Variants in MYT1L observed in about 807,000 individuals in gnomAD.
MYT1L encodes the protein myelin transcription factor 1-like protein.
A neutral mutation model predicts 126.7 loss-of-function variants in MYT1L; 12 were observed. The ratio of observed to expected loss-of-function variants is 0.09; its 90% CI spans 0.06 to 0.15. The LOEUF is 0.15. Among genes scored for constraint, MYT1L ranks in the 10% least tolerant of loss-of-function variants. The probability of loss-of-function intolerance (pLI) is 1.00; values close to 1 mark genes in which losing one functional copy is unlikely to be tolerated. For missense variants in MYT1L, 979 were observed against 1,585.2 expected (o/e 0.62, Z 6.49); for synonymous variants, 541 against 604.2 (o/e 0.90, Z 1.53).
Position 1,910,677 on chromosome 2 carries a change from G to A in MYT1L, c.1710-330C>T, listed in dbSNP as rs948699940. ...AAACTGTAGACAGATTCCATTTCTGGAGATGAAGAATTAACAGCTTGGGTA... is the reference window on the plus strand; with the variant it reads ...AAACTGTAGACAGATTCCATTTCTGAAGATGAAGAATTAACAGCTTGGGTA... On this transcript the variant is annotated intron_variant, in intron 12 of 24. Coordinates refer to ENST00000647738, the MANE Select transcript of MYT1L (RefSeq NM_001303052.2). The surrounding 1 kb of genome is among the most constrained non-coding windows in gnomAD (Gnocchi z 4.8). Among the ~76,000 whole-genome samples the A allele has an allele frequency of 6.6e-6, 1 of 152,158 alleles. No homozygotes were observed. The highest frequency in any genetic ancestry group is 1.5e-5 in the Non-Finnish European group (1 of 68,038).
chr2:1,996,352 G>C (rs773970843), intron 5 of MYT1L, among the ~76,000 whole-genome samples: 1 of 151,884 alleles, frequency 6.6e-6, no homozygotes, highest in Non-Finnish European at 1.5e-5. Context: ...GTACAGAACC[G>C]AGTGTAGACG....
chr2:2,169,859 C>T (rs192728216), intron 3 of MYT1L, among the ~76,000 whole-genome samples: 31 of 152,266 alleles, frequency 2.0e-4, no homozygotes, highest in Middle Eastern at 3.4e-3. Flanking sequence ...TGTATCCAGG[C>T]GTGGAAACAC....
At chr2:2,005,199 CATTCTTTCCTGAATAT>C in intron 4 of MYT1L, among the ~76,000 whole-genome samples, 1 of 145,972 alleles carries the variant, frequency 6.9e-6, no homozygotes, top group Non-Finnish European at 1.5e-5. Flanking sequence ...TTCCTGCAGG[CATTCTTTCCTGAATAT>C]GTTCTTTCCT....
At chr2:1,898,772 T>A (rs2049954539) in intron 14 of MYT1L, among the ~76,000 whole-genome samples, 1 of 152,184 alleles carries the variant, frequency 6.6e-6, no homozygotes, top group African/African-American at 2.4e-5. Flanking sequence ...GAGCGGCCTC[T>A]GCTCAGGTAG....
At chr2:1,874,162 A>C (rs1250312153) in intron 18 of MYT1L, among the ~76,000 whole-genome samples, 1 of 150,822 alleles carries the variant, frequency 6.6e-6, no homozygotes. Flanking sequence ...CTCCACAAAC[A>C]ACCCAGGTGT....
At chr2:2,123,494 C>G (rs2081308005) in intron 3 of MYT1L, among the ~76,000 whole-genome samples, 2 of 152,136 alleles carry the variant, frequency 1.3e-5, no homozygotes, top group Admixed American at 1.3e-4. Context: ...GGCCCATTTT[C>G]CCCTTGCTGT....
intron 3 of MYT1L, among the ~76,000 whole-genome samples, chr2:2,069,852 T>G (rs1366627137): frequency 6.6e-6 from 1 of 151,910 alleles, no homozygotes; most frequent in Non-Finnish European, 1.5e-5. Context: ...GTATGTTTGT[T>G]GGCTGCATAA....
At chr2:1,974,962 T>C (rs948118341) in intron 8 of MYT1L, among the ~76,000 whole-genome samples, 1 of 152,258 alleles carries the variant, frequency 6.6e-6, no homozygotes, top group Non-Finnish European at 1.5e-5. Context: ...CTACAGAGAT[T>C]ATCTTTTGTT....
intron 9 of MYT1L, among the ~76,000 whole-genome samples, chr2:1,937,871 G>C (rs574811947): frequency 6.6e-6 from 1 of 152,188 alleles, no homozygotes. Context: ...GGACACCACC[G>C]CACACCTTTG....
chr2:1,884,293 C>T (rs567453862), intron 18 of MYT1L, among the ~76,000 whole-genome samples: 21 of 152,262 alleles, frequency 1.4e-4, no homozygotes, highest in African/African-American at 2.9e-4. Context: ...TAATCAGGGA[C>T]GATGCTGCTG....
chr2:2,136,290 C>A (rs1236464015), intron 3 of MYT1L, among the ~76,000 whole-genome samples: 1 of 152,202 alleles, frequency 6.6e-6, no homozygotes, highest in Non-Finnish European at 1.5e-5. Flanking sequence ...TTCCAGCATA[C>A]AGATGCCTTT....
intron 3 of MYT1L, among the ~76,000 whole-genome samples, chr2:2,118,726 T>C (rs751703008): frequency 6.6e-6 from 1 of 152,232 alleles, no homozygotes; most frequent in Non-Finnish European, 1.5e-5. Context: ...AAACTTGAAT[T>C]ATTATGACAA....
chr2:2,327,052 G>T (rs1006659603), intron 1 of MYT1L: 1 of 152,026 alleles, frequency 6.6e-6, no homozygotes, highest in African/African-American at 2.4e-5. Flanking sequence ...ATGGATAGCT[G>T]TTGCCTTTAA....
intron 2 of MYT1L, among the ~76,000 whole-genome samples, chr2:2,264,597 C>G (rs1468627179): frequency 1.3e-5 from 2 of 152,172 alleles, no homozygotes; most frequent in East Asian, 1.9e-4. Flanking sequence ...CTGTGCAACG[C>G]TGGCCCAAGC....
Position 1,943,327 on chromosome 2 carries a change from C to A in MYT1L, c.160G>T (p.Gly54Cys). The A allele has an allele frequency of 6.4e-7, 1 of 1,552,114 alleles. No individual in the cohort carries two copies. Among genetic ancestry groups the A allele is most frequent in the East Asian group, 2.3e-5 (1 of 43,088 alleles). Residue 54 changes from glycine to cysteine, a missense_variant, in exon 9 of 25, where the codon GGT becomes TGT. Coordinates refer to ENST00000647738, the MANE Select transcript of MYT1L (RefSeq NM_001303052.2). This position sits in a 1 kb window ranked among gnomAD's most constrained non-coding sequence, Gnocchi z 4.4. ...GKYARHRSVY[G>C]CPLAKKRKTQ... Reference sequence around the variant, plus strand: ...TTTCTTTTTTTCGCCAAGGGACAACCATATACACTAATTAAAAAAATAGAG... The same window carrying A: ...TTTCTTTTTTTCGCCAAGGGACAACAATATACACTAATTAAAAAAATAGAG...
At chr2:2,250,907 A>C (rs2094630119) in intron 2 of MYT1L, among the ~76,000 whole-genome samples, 2 of 152,124 alleles carry the variant, frequency 1.3e-5, no homozygotes, top group South Asian at 4.1e-4. Context: ...TAAATATATA[A>C]AGAAAAAAAT....
intron 2 of MYT1L, among the ~76,000 whole-genome samples, chr2:2,283,054 G>A (rs1291719412): frequency 1.3e-5 from 2 of 152,196 alleles, no homozygotes; most frequent in Non-Finnish European, 2.9e-5. Context: ...CAGCCTGGGT[G>A]ACAGAGCCAG....
At position 1,956,404 on chromosome 2, in the gene MYT1L, G is replaced by GTCTGTCTATCTA. The variant is rs1553355243; in HGVS notation, c.153-13071_153-13070insTAGATAGACAGA. On this transcript the variant is annotated intron_variant, in intron 8 of 24. Coordinates refer to ENST00000647738, the MANE Select transcript of MYT1L (RefSeq NM_001303052.2). ...TATTTCCTATTCTTTCTATCTGTCTGTCTATCTATCTATCTATCTATCTAT... is the reference window on the plus strand; with the variant it reads ...TATTTCCTATTCTTTCTATCTGTCTGTCTGTCTATCTATCTATCTATCTATCTATCTATCTAT... Among the ~76,000 whole-genome samples, 16 of 81,660 alleles carry GTCTGTCTATCTA rather than the reference G, an allele frequency of 2.0e-4. 5 individuals carry two copies. The highest frequency in any genetic ancestry group is 4.1e-4 in the Admixed American group (4 of 9,706). 53.6% of individuals were successfully genotyped at this position (81,660 alleles called of 152,430 possible).
chr2:1,811,464 G>A lies in MYT1L; in HGVS notation c.3081-2297C>T, dbSNP rs115122131. On this transcript the variant is annotated intron_variant, in intron 21 of 24. Transcript: ENST00000647738. This position sits in a 1 kb window ranked among gnomAD's most constrained non-coding sequence, Gnocchi z 4.4. ...CATCCCAGGGCAAGCCGCACGGGAA[G>A]CCCCAGGAGCAGAGAGGCCTCTGGG... is the stretch of plus-strand genomic sequence containing the variant. 94 of 151,966 alleles carry A rather than the reference G, an allele frequency of 6.2e-4. No individual in the cohort carries two copies. The highest frequency in any genetic ancestry group is 2.2e-3 in the African/African-American group (90 of 41,280). The allele number at this position is 151,966 out of a possible 1,614,324, so 9.4% of individuals were successfully genotyped here. A position where few individuals can be genotyped will look rare whatever the true frequency, so the allele number is the denominator to read the frequency against.
Sources: allele counts gnomAD v4.1 joint callset (sites outside exome capture counted in the v4.1 genomes callset), GRCh38; gene constraint gnomAD v4.1.1; non-coding constraint Gnocchi (gnomAD v3.1); transcripts MANE v1.5; gene names NCBI Gene and HGNC (gene_info 2026-07-23, HGNC 2026-07-21).